The following WDR17 variants were observed in gnomAD, a reference collection of about 807,000 sequenced individuals.
WDR17 encodes WD repeat domain 17, also known as WD repeat-containing protein 17.
Under a neutral mutation model 161.7 loss-of-function variants are expected in WDR17, and 143 were observed. That is an observed-to-expected ratio of 0.88 (90% CI 0.77 to 1.02). The LOEUF (loss-of-function observed/expected upper bound fraction) is 1.02. Among genes scored for constraint, WDR17 ranks in the 50% least tolerant of loss-of-function variants. The pLI is 0.00. For synonymous variants in WDR17, 517 were observed against 515.6 expected, an observed-to-expected ratio of 1.00 and a Z score of -0.04; for missense variants, 1,469 against 1,520.9, an observed-to-expected ratio of 0.97 and a Z score of 0.57.
In WDR17 at chr4:176,172,465, T is replaced by C; in HGVS notation, c.3193T>C (p.Leu1065=). ...ATTTGAAACTGTAAAATATTACTTG[T>C]TAAGTCAAGAACCTGAAAAAGCCCT... is the stretch of plus-strand genomic sequence containing the variant. The part of the protein sequence containing the change: ...NIFETVKYYL[L]SQEPEKALPI... Residue 1065 remains leucine (L), a synonymous_variant, in exon 24 of 29, where the codon TTA becomes CTA. Transcript: ENST00000508596. The C allele has an allele frequency of 6.2e-7, 1 of 1,610,632 alleles. No homozygotes were observed. The highest frequency in any genetic ancestry group is 8.5e-7 in the Non-Finnish European group (1 of 1,179,184).
At chr4:176,157,760 T>C (rs899332523) in intron 18 of WDR17, among the ~76,000 whole-genome samples, 2 of 152,254 alleles carry the variant, frequency 1.3e-5, no homozygotes, top group African/African-American at 4.8e-5. Context: ...CATCTAGTCA[T>C]ATTAATATGC....
chr4:176,168,180 T>C (rs1004458598), intron 22 of WDR17, among the ~76,000 whole-genome samples: 1 of 152,038 alleles, frequency 6.6e-6, no homozygotes, highest in Non-Finnish European at 1.5e-5. Context: ...ATAAGAAAAC[T>C]ATCTTTAATT....
chr4:176,106,521 T>C (rs1738747204), intron 1 of WDR17, among the ~76,000 whole-genome samples: 1 of 152,096 alleles, frequency 6.6e-6, no homozygotes, highest in African/African-American at 2.4e-5. Context: ...CTTTAAAGCT[T>C]TTAGAAGAAA....
At chr4:176,074,581 T>C (rs1294241015) in intron 1 of WDR17, among the ~76,000 whole-genome samples, 8 of 151,952 alleles carry the variant, frequency 5.3e-5, no homozygotes, top group African/African-American at 1.9e-4. Flanking sequence ...CTCAGCCTCA[T>C]GAGTAGCTGC....
intron 11 of WDR17, among the ~76,000 whole-genome samples, chr4:176,144,511 A>G (rs575654048): frequency 5.3e-5 from 8 of 152,350 alleles, no homozygotes; most frequent in South Asian, 2.1e-4. Flanking sequence ...GAACAGTTCC[A>G]TATTCCTATT....
chr4:176,150,301 A>G, intron 15 of WDR17, 128 bp downstream of exon 15: 2 of 1,460,302 alleles, frequency 1.4e-6, no homozygotes, highest in East Asian at 4.6e-5. Context: ...TAATCTGTGC[A>G]CTATAAGAAA....
chr4:176,144,590 TTTAG>T (rs1412245149), intron 11 of WDR17, among the ~76,000 whole-genome samples: 6 of 152,176 alleles, frequency 3.9e-5, no homozygotes, highest in Admixed American at 6.5e-5. Context: ...ATATAATATG[TTTAG>T]TTAGTTAAGA....
intron 1 of WDR17, among the ~76,000 whole-genome samples, chr4:176,109,061 A>T (rs773584550): frequency 1.3e-5 from 2 of 152,200 alleles, no homozygotes; most frequent in African/African-American, 2.4e-5. Context: ...AAGTGCTGGG[A>T]TTACAGGCAT....
chr4:176,125,388 T>A, intron 5 of WDR17, 33 bp downstream of exon 5: 1 of 1,601,116 alleles, frequency 6.2e-7, no homozygotes, highest in South Asian at 1.1e-5. Flanking sequence ...GAGTTTTAAA[T>A]ACGTGTATAT....
rs538604279 is a variant in WDR17 at position 176,100,958 on chromosome 4, T to C, written c.-6-10617T>C. On this transcript the variant is annotated intron_variant, in intron 1 of 28. Transcript: ENST00000508596. ...CATTGATCTATATGTCTATTTTTTA[T>C]ACCAGTACCATGCTATTTTGGTTAC... Among the ~76,000 whole-genome samples, 75 of 152,300 alleles carry C rather than the reference T, an allele frequency of 4.9e-4. 1 individual carries two copies. The highest frequency in any genetic ancestry group is 1.7e-3 in the African/African-American group (72 of 41,576).
At position 176,120,047 on chromosome 4, in the gene WDR17, G is replaced by C. The variant is rs1489535672; in HGVS notation, c.488G>C (p.Gly163Ala). The change falls in exon 4 of 29, where the codon GGG becomes GCG. Residue 163 changes from glycine (G) to alanine (A), a missense_variant. Gly to Ala is a moderately conservative substitution (Grantham distance 60). Transcript: ENST00000508596. ...TTCAGATGGCATACACACCAAAAGG[G>C]GAAAGTTGTGTTTGGTCATATTGAT... ...CMFRWHTHQK[G>A]KVVFGHIDGS... 6.2e-7 allele frequency: 1 copy of C among 1,613,730 alleles called. No individual in the cohort carries two copies. The highest frequency in any genetic ancestry group is 1.1e-5 in the South Asian group (1 of 91,050).
At chr4:176,133,168 AC>A (rs1743759992) in intron 7 of WDR17, among the ~76,000 whole-genome samples, 3 of 144,208 alleles carry the variant, frequency 2.1e-5, no homozygotes, top group South Asian at 4.4e-4. Flanking sequence ...GAAAAAAAAA[AC>A]AATTTTTTAT....
At chr4:176,121,638 T>C (rs1741602259) in intron 4 of WDR17, among the ~76,000 whole-genome samples, 1 of 152,218 alleles carries the variant, frequency 6.6e-6, no homozygotes, top group Non-Finnish European at 1.5e-5. Context: ...ACCCTCTCCT[T>C]TATCATTGAC....
chr4:176,076,659 C>A (rs1242984384), intron 1 of WDR17, among the ~76,000 whole-genome samples: 1 of 151,106 alleles, frequency 6.6e-6, no homozygotes. Context: ...CTCTTTATTG[C>A]TCTTTAATGT....
Position 176,076,231 on chromosome 4 carries a change from A to ATATAATG in WDR17, c.-7+10156_-7+10157insATGTATA, listed in dbSNP as rs1382033977. Among the ~76,000 whole-genome samples the ATATAATG allele has an allele frequency of 7.2e-3, 239 of 33,140 alleles. 1 individual carries two copies. The highest frequency in any genetic ancestry group is 0.021 in the Non-Finnish European group (209 of 10,038). The allele number at this position is 33,140 out of a possible 152,430, so 21.7% of individuals were successfully genotyped here. A position where few individuals can be genotyped will look rare whatever the true frequency, so the allele number is the denominator to read the frequency against. On this transcript the variant is annotated intron_variant, in intron 1 of 28. Transcript: ENST00000508596. ...ACATATATAATATATATATATATAT[A>ATATAATG]TATATATATATATATATATATATAC...
At position 176,145,986 on chromosome 4, in the gene WDR17, A is replaced by G. The variant is rs1579182540; in HGVS notation, c.1530-9A>G. 6.2e-7 allele frequency: 1 copy of G among 1,610,398 alleles called. No homozygotes were observed. The highest frequency in any genetic ancestry group is 8.5e-7 in the Non-Finnish European group (1 of 1,177,156). ...ATCCTATGTCAATATTCCATTGATG[A>G]TATTTCAGAGACATGATAGCCACTG... On this transcript the variant is annotated splice_polypyrimidine_tract_variant and intron_variant, in intron 11 of 28. Transcript: ENST00000508596.
chr4:176,178,033 A>G (rs1412284121), intron 28 of WDR17, among the ~76,000 whole-genome samples: 1 of 100,066 alleles, frequency 1.0e-5, no homozygotes, highest in South Asian at 3.1e-4. Context: ...AAAAAAAAAG[A>G]TCCCACCTCC....
chr4:176,170,734 A>T (rs1315170554), intron 23 of WDR17, among the ~76,000 whole-genome samples: 1 of 152,196 alleles, frequency 6.6e-6, no homozygotes, highest in African/African-American at 2.4e-5. Flanking sequence ...ACACATTCTA[A>T]AAGGATATAA....
intron 1 of WDR17, among the ~76,000 whole-genome samples, chr4:176,104,077 G>A (rs1738286087): frequency 6.6e-6 from 1 of 152,072 alleles, no homozygotes; most frequent in African/African-American, 2.4e-5. Flanking sequence ...TTTCTGATAT[G>A]AAACTTTAGA....
Sources: gnomAD v4.1 joint callset for allele counts (sites outside exome capture counted in the v4.1 genomes callset) on GRCh38, gnomAD v4.1.1 for gene constraint, MANE v1.5 for transcripts, NCBI Gene and HGNC (gene_info 2026-07-23, HGNC 2026-07-21) for gene names.